The following TNC variants were observed in gnomAD, a reference collection of about 807,000 sequenced individuals.
TNC encodes the protein tenascin.
TNC carries 109 observed loss-of-function variants against 202.4 expected under a neutral mutation model. The observed-to-expected ratio is 0.54, with a 90% CI of 0.46 to 0.63. The LOEUF (loss-of-function observed/expected upper bound fraction) is 0.63, where lower values mean the gene tolerates loss of function less well. Ranked by LOEUF, TNC falls within the 30% of genes least tolerant of loss-of-function variation. The pLI is 0.00. For synonymous variants in TNC, 1,007 were observed against 1,089.7 expected (o/e 0.92, Z 1.50); for missense variants, 2,756 against 2,833.3 (o/e 0.97, Z 0.62).
intron 1 of TNC, among the ~76,000 whole-genome samples, chr9:115,108,489 C>T (rs1185374856): frequency 6.6e-6 from 1 of 152,216 alleles, no homozygotes; most frequent in East Asian, 1.9e-4. Flanking sequence ...GACATCTGCA[C>T]AATGGCACAT....
intron 18 of TNC, 102 bp downstream of exon 18, chr9:115,042,116 CT>C (rs1346648475): frequency 4.1e-6 from 6 of 1,468,034 alleles, no homozygotes; most frequent in Non-Finnish European, 5.5e-6. Context: ...AATTCATTTT[CT>C]TTGATCATGA....
At chr9:115,053,012 G>C (rs1409763923) in intron 15 of TNC, 2 of 698,196 alleles carry the variant, frequency 2.9e-6, no homozygotes, top group Non-Finnish European at 5.2e-6. Flanking sequence ...CTGTGGCTTT[G>C]GTTCTAAAGA....
chr9:115,062,841 A>G (rs1832651463), intron 13 of TNC, 76 bp downstream of exon 13: 1 of 1,514,218 alleles, frequency 6.6e-7, no homozygotes, highest in South Asian at 1.3e-5. Flanking sequence ...GGATTCTGCC[A>G]CACGGGTGAA....
chr9:115,065,901 C>CAAAA (rs35177151), intron 10 of TNC, among the ~76,000 whole-genome samples: 8 of 46,648 alleles, frequency 1.7e-4, no homozygotes, highest in African/African-American at 2.5e-4. Context: ...GACTCCATCT[C>CAAAA]AAAAAAAAAA....
chr9:115,108,348 A>T (rs1448157672), intron 1 of TNC, among the ~76,000 whole-genome samples: 2 of 152,210 alleles, frequency 1.3e-5, no homozygotes, highest in Non-Finnish European at 2.9e-5. Flanking sequence ...AGTTGAACAG[A>T]TTAATTACAG....
At chr9:115,100,163 C>T (rs192237865) in intron 1 of TNC, among the ~76,000 whole-genome samples, 266 of 152,272 alleles carry the variant, frequency 1.7e-3, no homozygotes, top group African/African-American at 6.1e-3. Context: ...GTGTTCCTAA[C>T]GGGAAACATT....
In TNC at chr9:115,086,263, C is replaced by T. The variant is rs750966745; in HGVS notation, c.1468G>A (p.Gly490Ser). Residue 490 changes from glycine to serine, a missense_variant, in exon 3 of 28, where the codon GGC (glycine) becomes AGC (serine). Physicochemically the swap from Gly to Ser is moderately conservative, Grantham distance 56. Around this residue, in one of 2 missense-constraint regions of TNC, gnomAD observed 2,559 missense variants for 2,546.0 expected, o/e 1.01. Transcript: ENST00000350763. Reference protein sequence around the residue: ...CVNGMCVCDDGYTGEDCRDRQ... With the variant: ...CVNGMCVCDDSYTGEDCRDRQ... ...TCCCGGCAGTCTTCCCCTGTGTAGC[C>T]GTCATCACAAACACACATGCCATTC... 1.1e-5 allele frequency: 18 copies of T among 1,614,116 alleles called. No individual in the cohort carries two copies. The highest frequency in any genetic ancestry group is 4.4e-5 in the South Asian group (4 of 91,090).
chr9:115,062,674 C>A (rs951451459), intron 13 of TNC, among the ~76,000 whole-genome samples: 41 of 150,304 alleles, frequency 2.7e-4, no homozygotes, highest in East Asian at 9.8e-4. Flanking sequence ...CACACACACA[C>A]TATATATATA....
intron 20 of TNC, among the ~76,000 whole-genome samples, chr9:115,036,922 G>A (rs1349646497): frequency 6.6e-6 from 1 of 152,116 alleles, no homozygotes; most frequent in African/African-American, 2.4e-5. Context: ...GGACAAGTTG[G>A]TCAACTTACC....
intron 27 of TNC, 129 bp from the exon 28 acceptor site, chr9:115,021,396 C>T: frequency 1.5e-6 from 1 of 654,416 alleles, no homozygotes; most frequent in Non-Finnish European, 2.6e-6. Context: ...TTCAATTTGA[C>T]CATTTGGTAT....
Position 115,023,993 on chromosome 9 carries a change from C to T in TNC, c.6475G>A (p.Gly2159Arg). 1.2e-6 allele frequency: 2 copies of T among 1,614,004 alleles called. No homozygotes were observed. The highest frequency in any genetic ancestry group is 1.7e-6 in the Non-Finnish European group (2 of 1,179,898). ...CTCACCTGACTGTGGTTATTGTCCC[C>T]ATATCTCCCCATCAGGTTGACACGG... ...CHRVNLMGRY[G>R]DNNHSQGVNW... The change falls in exon 27 of 28, where the codon GGG (glycine) becomes AGG (arginine). Residue 2159 changes from glycine (G) to arginine (R), a missense_variant. Gly to Arg is a moderately radical substitution (Grantham distance 125). Around this residue, in one of 2 missense-constraint regions of TNC, gnomAD observed 197 missense variants for 287.3 expected, o/e 0.69. Coordinates refer to ENST00000350763, the MANE Select transcript of TNC (RefSeq NM_002160.4).
At chr9:115,098,685 A>T (rs1056207480) in intron 1 of TNC, among the ~76,000 whole-genome samples, 1 of 152,200 alleles carries the variant, frequency 6.6e-6, no homozygotes, top group East Asian at 1.9e-4. Flanking sequence ...GAGAATTCCT[A>T]TTGTTTAGAA....
chr9:115,048,965 G>A (rs1404066306), intron 15 of TNC, among the ~76,000 whole-genome samples: 6 of 149,996 alleles, frequency 4.0e-5, no homozygotes, highest in African/African-American at 9.8e-5. Context: ...ATTTCTTTCC[G>A]GTATACTTCA....
At chr9:115,056,510 A>T (rs1458937975) in intron 15 of TNC, among the ~76,000 whole-genome samples, 1 of 152,208 alleles carries the variant, frequency 6.6e-6, no homozygotes, top group African/African-American at 2.4e-5. Flanking sequence ...TTTGAACACA[A>T]CTATTCTACT....
chr9:115,104,053 C>G (rs368379669), intron 1 of TNC, among the ~76,000 whole-genome samples: 1 of 152,216 alleles, frequency 6.6e-6, no homozygotes, highest in Non-Finnish European at 1.5e-5. Context: ...CTTGCTTTCT[C>G]TCTTCTATTT....
chr9:115,048,465 C>T lies in TNC; in HGVS notation c.4647G>A (p.Trp1549Ter). 6.2e-7 allele frequency: 1 copy of T among 1,613,982 alleles called. No individual in the cohort carries two copies. The highest frequency in any genetic ancestry group is 8.5e-7 in the Non-Finnish European group (1 of 1,179,934). ...TGTCAAAGGCATTCTCCGATGCCAT[C>T]CAGGAAACTGTGAACCCGTAGGGAT... ...DINPYGFTVS[W>*]MASENAFDSF... is the part of the protein sequence containing the mutation. The change falls in exon 16 of 28, where the codon TGG becomes TGA. Residue 1549 changes from tryptophan (W) to a stop codon, truncating the protein, a stop_gained. Transcript: ENST00000350763. LOFTEE classifies it high-confidence loss of function.
rs758072073 is a variant in TNC at position 115,053,973 on chromosome 9, A to AT, written c.4579+3179dup. ...AGACATTCAGTTTTGAGAGCAACTC[A>AT]TTTAATGTTAAGGGGTCTATATGGC... is the stretch of plus-strand genomic sequence containing the variant. On this transcript the variant is annotated intron_variant, in intron 15 of 27. Coordinates refer to ENST00000350763, the MANE Select transcript of TNC (RefSeq NM_002160.4). 9.3e-4 allele frequency among the ~76,000 whole-genome samples: 141 copies of AT among 152,330 alleles called. 2 individuals are homozygous for AT. Among genetic ancestry groups the AT allele is most frequent in the Non-Finnish European group, 8.1e-4 (55 of 68,022 alleles).
At chr9:115,046,738 C>T (rs151315510) in intron 16 of TNC, 56 bp from the exon 17 acceptor site, 117 of 1,593,134 alleles carry the variant, frequency 7.3e-5, no homozygotes, top group Admixed American at 1.5e-4. Flanking sequence ...TTTACCAGTC[C>T]GTGCAATCTT....
At chr9:115,057,582 CA>C (rs1302610805) in intron 14 of TNC, among the ~76,000 whole-genome samples, 157 bp from the exon 15 acceptor site, 7 of 152,056 alleles carry the variant, frequency 4.6e-5, no homozygotes, top group Non-Finnish European at 1.0e-4. Flanking sequence ...CAATTAGTGC[CA>C]AAGGGAGAGA....
Sources: gnomAD v4.1 joint callset for allele counts (sites outside exome capture counted in the v4.1 genomes callset) on GRCh38, gnomAD v4.1.1 for gene constraint, gnomAD v4.1.1 regional missense constraint, MANE v1.5 for transcripts, NCBI Gene and HGNC (gene_info 2026-07-23, HGNC 2026-07-21) for gene names.